Variants in TRPM5 observed in about 807,000 individuals in gnomAD.
The protein encoded by TRPM5 is transient receptor potential cation channel subfamily M member 5.
In TRPM5, 121 loss-of-function variants were observed where a neutral mutation model predicts 124.9. The observed-to-expected ratio is 0.97, with a 90% CI of 0.84 to 1.13. The LOEUF (loss-of-function observed/expected upper bound fraction) is 1.13, where lower values mean the gene tolerates loss of function less well. TRPM5 is among the 50% of genes most tolerant of loss of function. TRPM5 has a pLI of 0.00. For missense variants in TRPM5, 1,643 were observed against 1,589.1 expected (o/e 1.03, Z -0.58); for synonymous variants, 781 against 700.5 (o/e 1.11, Z -1.81).
intron 15 of TRPM5, 97 bp from the exon 21 acceptor site, chr11:2,412,350 C>CAGCGTGCCATGGGGATCAGGGTTA: frequency 1.1e-6 from 1 of 935,866 alleles, no homozygotes; most frequent in Non-Finnish European, 1.7e-6. Context: ...GATCAGGGTT[C>CAGCGTGCCATGGGGATCAGGGTTA]CATCTATGAC....
exon 9 of TRPM5, chr11:2,415,252 G>C (rs898892942): frequency 1.3e-6 from 2 of 1,571,162 alleles, no homozygotes; most frequent in Non-Finnish European, 1.7e-6. Flanking sequence ...TCCCGGGCCT[G>C]CTGGGTGCCC....
At chr11:2,413,053 A>G in intron 14 of TRPM5, 41 bp from the exon 20 acceptor site, 1 of 1,563,164 alleles carries the variant, frequency 6.4e-7, no homozygotes, top group Non-Finnish European at 8.7e-7. Flanking sequence ...GCTGGCGCCC[A>G]GCCGGGTGCC....
intron 19 of TRPM5, 124 bp downstream of exon 24, chr11:2,407,635 C>T (rs561330345): frequency 1.5e-4 from 190 of 1,290,830 alleles, no homozygotes; most frequent in Non-Finnish European, 1.9e-4. Context: ...TTCTATCTGC[C>T]CTGAGGCACC....
At chr11:2,427,039 C>T (rs947349058), upstream of TRPM5, among the ~76,000 whole-genome samples, 11 of 152,332 alleles carry the variant, frequency 7.2e-5, no homozygotes, top group Admixed American at 2.6e-4. Context: ...ATCCAGAGCC[C>T]GTGGGGCTGG....
chr11:2,413,297 G>C, intron 13 of TRPM5, 71 bp from the exon 19 acceptor site: 1 of 1,427,094 alleles, frequency 7.0e-7, no homozygotes, highest in Admixed American at 2.6e-5. Context: ...CCAGGCGCTT[G>C]GCCATCAAAG....
chr11:2,431,260 G>A, the TRPM5 span, among the ~76,000 whole-genome samples: 3 of 152,064 alleles, frequency 2.0e-5, no homozygotes, highest in Non-Finnish European at 4.4e-5. Flanking sequence ...TCAGGCCTGA[G>A]ACCCTAAAAT....
intron 7 of TRPM5, 87 bp from the exon 13 acceptor site, chr11:2,416,111 T>A: frequency 1.1e-6 from 1 of 941,444 alleles, no homozygotes; most frequent in Non-Finnish European, 1.6e-6. Flanking sequence ...GTGCGCTGCC[T>A]AGAGACGCGG....
intron 3 of TRPM5, 59 bp downstream of exon 8, chr11:2,420,973 C>T (rs1354086082): frequency 1.3e-6 from 2 of 1,486,538 alleles, no homozygotes; most frequent in Non-Finnish European, 8.9e-7. Flanking sequence ...TGCCCAAACC[C>T]TTCTGAGCCC....
upstream of TRPM5, among the ~76,000 whole-genome samples, chr11:2,427,939 G>GT (rs1289819915): frequency 1.3e-5 from 2 of 152,200 alleles, no homozygotes; most frequent in Non-Finnish European, 1.5e-5. Context: ...GGCCCCCATG[G>GT]TGTCTCATCT....
intron 12 of TRPM5, 44 bp downstream of exon 17, chr11:2,414,017 A>ACACCCC: frequency 2.8e-6 from 1 of 357,912 alleles, no homozygotes; most frequent in Non-Finnish European, 5.0e-6. Context: ...TCGCCCGCCC[A>ACACCCC]CCCCACCCCC....
the TRPM5 span, among the ~76,000 whole-genome samples, chr11:2,429,992 T>TG: frequency 6.6e-6 from 1 of 151,044 alleles, no homozygotes; most frequent in Non-Finnish European, 1.5e-5. This position sits in a 1 kb window ranked among gnomAD's most constrained non-coding sequence, Gnocchi z 8.4. Flanking sequence ...TCTATGGAGT[T>TG]GGGGGGCACA....
rs1334673436 is a variant in TRPM5, at chr11:2,414,044, G to A, written c.1890+17C>T. 40 of 1,106,008 alleles carry A rather than the reference G, an allele frequency of 3.6e-5. No homozygotes were observed. The highest frequency in any genetic ancestry group is 4.8e-5 in the Non-Finnish European group (39 of 817,826). The allele number at this position is 1,106,008 out of a possible 1,614,324, so 68.5% of individuals were successfully genotyped here. ...CCCACCCCCTGGCAGCTCTCCTCGA[G>A]GACAGCTGGCACTCACCTGAACGCC... On this transcript the variant is annotated intron_variant, in intron 12 of 23. Coordinates refer to ENST00000155858, the Ensembl canonical transcript of TRPM5.
At chr11:2,410,253 C>T (rs973070597) in intron 18 of TRPM5, among the ~76,000 whole-genome samples, 1 of 152,090 alleles carries the variant, frequency 6.6e-6, no homozygotes, top group Non-Finnish European at 1.5e-5. Context: ...ATCACGGCGT[C>T]GCCCCCGCCT....
chr11:2,418,327 G>A lies in TRPM5; in HGVS notation c.746C>T (p.Pro249Leu), dbSNP rs747022293. ...CCCCGAGCCTACCAGGATCAGCCACGGGGCAGCCTGCTCCACGGCCCTGGA... is the reference window on the plus strand; with the variant it reads ...CCCCGAGCCTACCAGGATCAGCCACAGGGCAGCCTGCTCCACGGCCCTGGA... The change falls in exon 6 of 24, where the codon CCG becomes CTG. Residue 249 changes from proline (P) to leucine (L), a missense_variant. By Grantham distance (98) the Pro-to-Leu change is moderately conservative (BLOSUM62 -3). Transcript: ENST00000155858. 5.1e-5 allele frequency: 79 copies of A among 1,563,768 alleles called. No homozygotes were observed. The highest frequency in any genetic ancestry group is 6.2e-5 in the Non-Finnish European group (71 of 1,153,784).
the TRPM5 span, among the ~76,000 whole-genome samples, chr11:2,443,831 C>CG: frequency 9.2e-4 from 137 of 149,684 alleles, no homozygotes; most frequent in African/African-American, 3.2e-3. The surrounding 1 kb of genome is among the most constrained non-coding windows in gnomAD (Gnocchi z 5.0). Context: ...CCACCCCCCC[C>CG]CCAAGCCTGA....
intron 11 of TRPM5, 22 bp from the exon 17 acceptor site, chr11:2,414,228 G>T (rs185059022): frequency 5.6e-5 from 89 of 1,600,150 alleles, no homozygotes; most frequent in Middle Eastern, 2.0e-4. Flanking sequence ...GGCCCTGGCC[G>T]CTAGGACGAG....
chr11:2,412,300 G>A lies in TRPM5; in HGVS notation c.2356-47C>T, dbSNP rs761384514. 44 of 1,328,756 alleles carry A rather than the reference G, an allele frequency of 3.3e-5. 1 individual carries two copies. Among genetic ancestry groups the A allele is most frequent in the South Asian group, 2.8e-4 (23 of 83,276 alleles). The allele number at this position is 1,328,756 out of a possible 1,614,324, so 82.3% of individuals were successfully genotyped here. A position where few individuals can be genotyped will look rare whatever the true frequency, so the allele number is the denominator to read the frequency against. ...CACTGACAGCTGTCCAGCCGCCCTC[G>A]CTGGGGACAGCCCTACCTGGACAAG... On this transcript the variant is annotated intron_variant, in intron 15 of 23. Coordinates refer to ENST00000155858, the Ensembl canonical transcript of TRPM5.
At chr11:2,442,563 T>C in the TRPM5 span, among the ~76,000 whole-genome samples, 1 of 152,060 alleles carries the variant, frequency 6.6e-6, no homozygotes, top group Non-Finnish European at 1.5e-5. The surrounding 1 kb of genome is among the most constrained non-coding windows in gnomAD (Gnocchi z 5.9). Context: ...AAAAATGCTG[T>C]TTTGACTATC....
chr11:2,407,280 T>C, exon 20 of TRPM5: 1 of 1,610,936 alleles, frequency 6.2e-7, no homozygotes, highest in South Asian at 1.1e-5. Flanking sequence ...TGCGTTGCCC[T>C]GCACCACCTG....
Sources: gnomAD v4.1 joint callset for allele counts (sites outside exome capture counted in the v4.1 genomes callset) on GRCh38, gnomAD v4.1.1 for gene constraint, Gnocchi (gnomAD v3.1) non-coding constraint, MANE v1.5 for transcripts, NCBI Gene and HGNC (gene_info 2026-07-23, HGNC 2026-07-21) for gene names.